Variants in SND1 observed in about 807,000 individuals in gnomAD.
SND1 encodes the protein staphylococcal nuclease domain-containing protein 1.
A neutral mutation model predicts 121.7 loss-of-function variants in SND1; 38 were observed. The observed-to-expected ratio is 0.31, with a 90% CI of 0.24 to 0.41. The LOEUF (loss-of-function observed/expected upper bound fraction) is 0.41. Ranked by LOEUF, SND1 falls within the 10% of genes least tolerant of loss-of-function variation. SND1 has a pLI of 1.00. For synonymous variants in SND1, 401 were observed against 447.4 expected (o/e 0.90, Z 1.31); for missense variants, 868 against 1,184.6 (o/e 0.73, Z 3.92).
chr7:127,990,280 T>C (rs1434199240), intron 15 of SND1, among the ~76,000 whole-genome samples: 1 of 152,186 alleles, frequency 6.6e-6, no homozygotes, highest in African/African-American at 2.4e-5. Context: ...ACACAGCTAA[T>C]AAGTGATAGA....
At chr7:127,991,595 C>A (rs1252485705) in intron 16 of SND1, among the ~76,000 whole-genome samples, 10 of 152,158 alleles carry the variant, frequency 6.6e-5, no homozygotes, top group Non-Finnish European at 8.8e-5. Context: ...TCAACAGATC[C>A]ATCTTCTTTC....
chr7:127,909,135 T>TA (rs764947334), intron 14 of SND1, among the ~76,000 whole-genome samples: 8 of 152,222 alleles, frequency 5.3e-5, no homozygotes, highest in Non-Finnish European at 1.0e-4. Flanking sequence ...CATGAGGAGT[T>TA]ACGATGTTTG....
chr7:127,797,005 A>G (rs1798041361), intron 10 of SND1, among the ~76,000 whole-genome samples: 1 of 146,884 alleles, frequency 6.8e-6, no homozygotes, highest in Non-Finnish European at 1.5e-5. Context: ...CGATTCTCCT[A>G]TCTCAGCCTC....
intron 16 of SND1, among the ~76,000 whole-genome samples, chr7:128,042,776 G>A (rs918608860): frequency 1.3e-5 from 2 of 152,212 alleles, no homozygotes; most frequent in Admixed American, 6.5e-5. Flanking sequence ...AGGTGTTCCT[G>A]CCTGATGGGA....
intron 16 of SND1, among the ~76,000 whole-genome samples, chr7:128,042,115 G>A (rs896459778): frequency 2.0e-5 from 3 of 152,102 alleles, no homozygotes; most frequent in African/African-American, 7.2e-5. Flanking sequence ...CAGTTTGTAT[G>A]GCAGCCCAGT....
At chr7:127,968,024 C>CTT (rs1467896998) in intron 15 of SND1, among the ~76,000 whole-genome samples, 1 of 152,168 alleles carries the variant, frequency 6.6e-6, no homozygotes, top group Non-Finnish European at 1.5e-5. Context: ...AGTGAGAACA[C>CTT]TAAGGCTCTG....
intron 15 of SND1, among the ~76,000 whole-genome samples, chr7:127,954,531 C>T (rs777580488): frequency 3.0e-4 from 46 of 151,940 alleles, no homozygotes; most frequent in Non-Finnish European, 5.3e-4. Flanking sequence ...ATGGAGCAGC[C>T]CTCTCTCTCT....
intron 11 of SND1, among the ~76,000 whole-genome samples, chr7:127,810,352 G>A (rs572465796): frequency 6.6e-6 from 1 of 152,272 alleles, no homozygotes; most frequent in South Asian, 2.1e-4. Context: ...GAAGAATACT[G>A]TGTGTATCCT....
At chr7:127,742,154 G>A (rs1247160254) in intron 10 of SND1, among the ~76,000 whole-genome samples, 1 of 152,196 alleles carries the variant, frequency 6.6e-6, no homozygotes, top group East Asian at 1.9e-4. Context: ...ATGTTGTAAT[G>A]TTAGCATTAG....
intron 14 of SND1, among the ~76,000 whole-genome samples, chr7:127,925,815 G>A (rs980665960): frequency 4.0e-5 from 6 of 151,736 alleles, no homozygotes; most frequent in Admixed American, 6.6e-5. Context: ...GGCTGGTCTC[G>A]AACTCGTGAT....
chr7:127,739,832 C>T (rs1796845040), intron 10 of SND1, among the ~76,000 whole-genome samples: 1 of 152,174 alleles, frequency 6.6e-6, no homozygotes, highest in Non-Finnish European at 1.5e-5. Flanking sequence ...TTAGCACCTG[C>T]CTCTGTCTGG....
At chr7:127,666,400 A>G (rs1356555842) in intron 1 of SND1, among the ~76,000 whole-genome samples, 2 of 152,212 alleles carry the variant, frequency 1.3e-5, no homozygotes, top group Admixed American at 1.3e-4. Flanking sequence ...AGAGAAGAAT[A>G]AGCTCAGGAC....
At chr7:128,062,484 TAGTC>T (rs1793247432) in intron 16 of SND1, among the ~76,000 whole-genome samples, 1 of 152,210 alleles carries the variant, frequency 6.6e-6, no homozygotes, top group Non-Finnish European at 1.5e-5. Flanking sequence ...AATCAAACAT[TAGTC>T]AGGGAGGGAT....
intron 10 of SND1, among the ~76,000 whole-genome samples, chr7:127,775,639 A>G (rs926777317): frequency 6.6e-6 from 1 of 151,860 alleles, no homozygotes; most frequent in African/African-American, 2.4e-5. Flanking sequence ...TCTCTACCCT[A>G]TCTGCTTGTA....
intron 13 of SND1, among the ~76,000 whole-genome samples, chr7:127,899,277 A>AACAAACAC (rs1554440981): frequency 6.7e-6 from 1 of 149,786 alleles, no homozygotes; most frequent in Non-Finnish European, 1.5e-5. Context: ...ACCTGCACAC[A>AACAAACAC]ACACACACAC....
At chr7:127,828,363 C>T (rs938291225) in intron 11 of SND1, among the ~76,000 whole-genome samples, 3 of 151,928 alleles carry the variant, frequency 2.0e-5, no homozygotes, top group African/African-American at 7.3e-5. Flanking sequence ...AATATATATA[C>T]ATATTCTTTC....
intron 13 of SND1, among the ~76,000 whole-genome samples, chr7:127,894,851 C>T (rs547438837): frequency 4.8e-4 from 73 of 150,640 alleles, no homozygotes; most frequent in Non-Finnish European, 8.4e-4. Context: ...GGCTTCCAGG[C>T]ATGGGCGATA....
At chr7:127,860,506 TGCCATTA>T (rs1171274820) in intron 12 of SND1, among the ~76,000 whole-genome samples, 1 of 152,354 alleles carries the variant, frequency 6.6e-6, no homozygotes, top group East Asian at 1.9e-4. Context: ...GTGGCCTGAT[TGCCATTA>T]GCCACTGATG....
At chr7:127,859,926 G>A (rs566276596) in intron 12 of SND1, among the ~76,000 whole-genome samples, 11 of 152,192 alleles carry the variant, frequency 7.2e-5, no homozygotes, top group African/African-American at 2.6e-4. Flanking sequence ...ACAGGTAATA[G>A]GAGGAATAAG....
Sources: gnomAD v4.1 joint callset for allele counts (sites outside exome capture counted in the v4.1 genomes callset) on GRCh38, gnomAD v4.1.1 for gene constraint, MANE v1.5 for transcripts, NCBI Gene and HGNC (gene_info 2026-07-23, HGNC 2026-07-21) for gene names.